The following CSGALNACT1 variants were observed in gnomAD, a reference collection of about 807,000 sequenced individuals.
CSGALNACT1 encodes beta4GalNAcT-1.
Under a neutral mutation model 51.0 loss-of-function variants are expected in CSGALNACT1, and 52 were observed. That is an observed-to-expected ratio of 1.02 (90% CI 0.82 to 1.29). CSGALNACT1 has a LOEUF of 1.29. Among genes scored for constraint, CSGALNACT1 ranks in the 50% most tolerant of loss-of-function variants. The pLI is 0.00. For synonymous variants in CSGALNACT1, 341 were observed against 254.4 expected (o/e 1.34, Z -3.24); for missense variants, 935 against 679.2 (o/e 1.38, Z -4.19).
At position 19,444,996 on chromosome 8, in the gene CSGALNACT1, T is replaced by A. The variant is rs915170956; in HGVS notation, c.852-5065A>T. ...GGCTCACTCTGGTCACAGGTTTGAT[T>A]CTGAGAATTCTGTCTCTTTCTGGTG... On this transcript the variant is annotated intron_variant, in intron 5 of 9. Transcript: ENST00000454498. 1.3e-5 allele frequency among the ~76,000 whole-genome samples: 2 copies of A among 152,178 alleles called. 1 individual carries two copies. Among genetic ancestry groups the A allele is most frequent in the Non-Finnish European group, 2.9e-5 (2 of 68,024 alleles).
At chr8:19,586,525 A>C (rs2046689917) in intron 3 of CSGALNACT1, among the ~76,000 whole-genome samples, 1 of 152,140 alleles carries the variant, frequency 6.6e-6, no homozygotes, top group Admixed American at 6.5e-5. Context: ...GGTAACTGGC[A>C]CCACCCCAGA....
intron 4 of CSGALNACT1, among the ~76,000 whole-genome samples, chr8:19,493,966 C>T (rs11781106): frequency 6.6e-6 from 1 of 151,950 alleles, no homozygotes; most frequent in African/African-American, 2.4e-5. Context: ...GAGAAACTGC[C>T]AAACTATTTT....
chr8:19,407,454 G>A (rs1164941825), intron 9 of CSGALNACT1, among the ~76,000 whole-genome samples: 2 of 152,110 alleles, frequency 1.3e-5, no homozygotes, highest in South Asian at 4.2e-4. Flanking sequence ...CTGCACCTGA[G>A]ATCAACGTTT....
chr8:19,507,818 G>A (rs112805662), intron 3 of CSGALNACT1, among the ~76,000 whole-genome samples: 13 of 152,230 alleles, frequency 8.5e-5, no homozygotes, highest in African/African-American at 4.8e-5. Context: ...TAGTAGAGAC[G>A]GGGTTTCACC....
intron 4 of CSGALNACT1, among the ~76,000 whole-genome samples, chr8:19,491,254 C>T (rs1587107651): frequency 6.6e-6 from 1 of 152,168 alleles, no homozygotes; most frequent in Non-Finnish European, 1.5e-5. Context: ...CAATATTCTA[C>T]TATAACGATA....
chr8:19,467,181 G>A (rs1311880153), intron 4 of CSGALNACT1, among the ~76,000 whole-genome samples: 5 of 141,890 alleles, frequency 3.5e-5, no homozygotes, highest in Admixed American at 2.2e-4. Flanking sequence ...GTGCAGTGGT[G>A]CGATCTCGGC....
At chr8:19,641,010 C>T (rs1296050497) in intron 1 of CSGALNACT1, among the ~76,000 whole-genome samples, 1 of 151,796 alleles carries the variant, frequency 6.6e-6, no homozygotes, top group East Asian at 1.9e-4. Context: ...ACTCAGGCTG[C>T]TTAAACACAA....
intron 1 of CSGALNACT1, among the ~76,000 whole-genome samples, chr8:19,751,710 C>T (rs2065039483): frequency 6.6e-6 from 1 of 152,134 alleles, no homozygotes. Flanking sequence ...TTCCCCCTTG[C>T]TGTTCTCGTG....
chr8:19,609,174 G>C (rs1026371754), intron 1 of CSGALNACT1, among the ~76,000 whole-genome samples: 6 of 150,490 alleles, frequency 4.0e-5, no homozygotes, highest in African/African-American at 1.5e-4. Flanking sequence ...CTGATGGAAG[G>C]ATGCTTTTTT....
At chr8:19,439,628 C>T (rs1349257232) in intron 6 of CSGALNACT1, among the ~76,000 whole-genome samples, 1 of 152,236 alleles carries the variant, frequency 6.6e-6, no homozygotes, top group Non-Finnish European at 1.5e-5. Context: ...ATCACCCATG[C>T]ACATTGAAAA....
chr8:19,507,251 A>G (rs2077508443), intron 3 of CSGALNACT1, among the ~76,000 whole-genome samples: 1 of 152,158 alleles, frequency 6.6e-6, no homozygotes, highest in South Asian at 2.1e-4. Flanking sequence ...TTGGGACCCA[A>G]ATCCCAGTTA....
At chr8:19,670,647 A>G (rs2059719251) in intron 1 of CSGALNACT1, among the ~76,000 whole-genome samples, 1 of 92,278 alleles carries the variant, frequency 1.1e-5, no homozygotes, top group Non-Finnish European at 2.4e-5. Context: ...GCACTACTGA[A>G]GACAAAAAAA....
intron 9 of CSGALNACT1, 95 bp from the exon 9 acceptor site, chr8:19,406,164 T>TG (rs1019487783): frequency 2.4e-5 from 33 of 1,402,412 alleles, no homozygotes; most frequent in South Asian, 1.9e-4. Flanking sequence ...AAGACATGAC[T>TG]GGGGGGGATG....
intron 1 of CSGALNACT1, among the ~76,000 whole-genome samples, chr8:19,607,734 G>A (rs1467620276): frequency 2.6e-5 from 4 of 152,166 alleles, no homozygotes; most frequent in Non-Finnish European, 5.9e-5. Flanking sequence ...GTTACTGTGA[G>A]ATCTTAGGCA....
intron 1 of CSGALNACT1, among the ~76,000 whole-genome samples, chr8:19,627,720 G>A (rs1031535445): frequency 6.6e-6 from 1 of 152,168 alleles, no homozygotes; most frequent in Admixed American, 6.5e-5. Flanking sequence ...AGCTACGTTG[G>A]AGGCTCAGGT....
intron 1 of CSGALNACT1, among the ~76,000 whole-genome samples, chr8:19,748,881 C>T (rs1305865323): frequency 6.6e-6 from 1 of 151,810 alleles, no homozygotes; most frequent in African/African-American, 2.4e-5. Flanking sequence ...AGGAGGATCG[C>T]TTGAACCCGG....
chr8:19,668,839 C>A (rs919450522), intron 1 of CSGALNACT1, among the ~76,000 whole-genome samples: 1 of 152,152 alleles, frequency 6.6e-6, no homozygotes, highest in African/African-American at 2.4e-5. Flanking sequence ...AGGAGTGAGC[C>A]ACTGTGCCCG....
intron 1 of CSGALNACT1, among the ~76,000 whole-genome samples, chr8:19,725,678 C>A (rs7834607): frequency 0.15 from 23,092 of 152,078 alleles, 1,983 homozygotes; most frequent in Middle Eastern, 0.29. Flanking sequence ...ATGACTCAGC[C>A]TCCCAAAGTG....
chr8:19,471,470 A>C (rs1012675394), intron 4 of CSGALNACT1, among the ~76,000 whole-genome samples: 1 of 152,028 alleles, frequency 6.6e-6, no homozygotes, highest in African/African-American at 2.4e-5. Flanking sequence ...CCTGTTCTAA[A>C]GCCTTTTAAA....
Sources: allele counts gnomAD v4.1 joint callset (sites outside exome capture counted in the v4.1 genomes callset), GRCh38; gene constraint gnomAD v4.1.1; transcripts MANE v1.5; gene names NCBI Gene and HGNC (gene_info 2026-07-23, HGNC 2026-07-21).